Variants in COL22A1 observed in about 807,000 individuals in gnomAD.
COL22A1 encodes the protein collagen alpha-1(XXII) chain.
COL22A1 carries 221 observed loss-of-function variants against 248.9 expected under a neutral mutation model. The ratio of observed to expected loss-of-function variants is 0.89; its 90% CI spans 0.80 to 0.99. The LOEUF (loss-of-function observed/expected upper bound fraction) is 0.99. Among genes scored for constraint, COL22A1 ranks in the 50% least tolerant of loss-of-function variants. The probability of loss-of-function intolerance (pLI) is 0.00; values close to 1 mark genes in which losing one functional copy is unlikely to be tolerated. For missense variants in COL22A1, 2,240 were observed against 2,179.0 expected (o/e 1.03, Z -0.56); for synonymous variants, 891 against 793.4 (o/e 1.12, Z -2.07).
chr8:138,821,034 A>G (rs1471059327), intron 7 of COL22A1, 102 bp downstream of exon 7: 1 of 1,290,446 alleles, frequency 7.7e-7, no homozygotes, highest in African/African-American at 1.5e-5. Flanking sequence ...ATGATTTGGT[A>G]CCTGGTTCAT....
chr8:138,763,349 T>C (rs1833657505), intron 16 of COL22A1, among the ~76,000 whole-genome samples: 1 of 151,768 alleles, frequency 6.6e-6, no homozygotes, highest in Non-Finnish European at 1.5e-5. Flanking sequence ...GTCATGCCAC[T>C]GCTCTCCAGC....
chr8:138,822,644 C>A (rs1179266877), intron 6 of COL22A1, among the ~76,000 whole-genome samples: 9 of 152,162 alleles, frequency 5.9e-5, no homozygotes, highest in Non-Finnish European at 1.2e-4. Context: ...AGGATCTGAC[C>A]TTTTAGGACT....
In COL22A1 at chr8:138,616,121, G is replaced by A; in HGVS notation, c.3871-67C>T. ...AGCCACTGGCTGTCTCAACCACAGG[G>A]GCACCTGAGGAGCTGGGAGAGGTGG... is the stretch of plus-strand genomic sequence containing the variant. On this transcript the variant is annotated intron_variant, in intron 54 of 64. Coordinates refer to ENST00000303045, the MANE Select transcript of COL22A1 (RefSeq NM_152888.3). 4 of 1,288,866 alleles carry A rather than the reference G, an allele frequency of 3.1e-6. No homozygotes were observed. The Admixed American group carries it at 6.7e-5, about 22-fold the overall frequency. 79.8% of individuals were successfully genotyped at this position (1,288,866 alleles called of 1,614,324 possible). A position where few individuals can be genotyped will look rare whatever the true frequency, so the allele number is the denominator to read the frequency against.
Position 138,626,226 on chromosome 8 carries a change from A to T in COL22A1, c.3681T>A (p.Pro1227=). The T allele has an allele frequency of 6.2e-7, 1 of 1,608,538 alleles. No homozygotes were observed. ...GTAATCCAGATGGGCCTTGGGGGCC[A>T]GGAGGGCCTTCTTTCCCCTAAAAGA... ...IQGSPGKEGP[P]GPQGPSGLPG... Residue 1227 remains proline, a synonymous_variant, in exon 51 of 65, where the codon CCT becomes CCA. Coordinates refer to ENST00000303045, the MANE Select transcript of COL22A1 (RefSeq NM_152888.3).
chr8:138,709,301 G>T (rs1828747513), intron 30 of COL22A1, among the ~76,000 whole-genome samples: 1 of 152,016 alleles, frequency 6.6e-6, no homozygotes, highest in Admixed American at 6.6e-5. Flanking sequence ...TATACCCAAA[G>T]GATTATAAAT....
rs571933968 is a variant in COL22A1, at chr8:138,851,464, G to A, written c.659-7306C>T. 1.2e-3 allele frequency among the ~76,000 whole-genome samples: 180 copies of A among 152,322 alleles called. 2 individuals are homozygous for A. The highest frequency in any genetic ancestry group is 1.9e-3 in the Non-Finnish European group (127 of 68,040). On this transcript the variant is annotated intron_variant, in intron 3 of 64. Transcript: ENST00000303045. Reference sequence around the variant, plus strand: ...CTCACTCTGCCAGGTAGCAGCAGGCGCTGCTCATGGTTGTTACTATGTATG... The same window carrying A: ...CTCACTCTGCCAGGTAGCAGCAGGCACTGCTCATGGTTGTTACTATGTATG...
chr8:138,805,195 T>C (rs111066391), intron 10 of COL22A1, among the ~76,000 whole-genome samples: 48,556 of 138,972 alleles, frequency 0.35, 9,170 homozygotes, highest in African/African-American at 0.56. Flanking sequence ...TGTGTGTGAT[T>C]GGGTGTGTGA....
intron 4 of COL22A1, among the ~76,000 whole-genome samples, chr8:138,835,912 A>G (rs1341875521): frequency 1.3e-5 from 2 of 152,224 alleles, no homozygotes; most frequent in African/African-American, 4.8e-5. Context: ...TCTCCCTGCC[A>G]GCTCTCAGGT....
intron 16 of COL22A1, among the ~76,000 whole-genome samples, chr8:138,766,381 C>T (rs1450647650): frequency 2.0e-5 from 3 of 150,852 alleles, no homozygotes; most frequent in Non-Finnish European, 4.4e-5. Context: ...TGGTCATTAG[C>T]AGGGGCGAGA....
chr8:138,686,062 T>C (rs1437019389), intron 37 of COL22A1, among the ~76,000 whole-genome samples: 1 of 152,154 alleles, frequency 6.6e-6, no homozygotes, highest in South Asian at 2.1e-4. Flanking sequence ...GCAACATTTC[T>C]TTATACTCAA....
At chr8:138,592,858 G>C (rs1587618029) in intron 63 of COL22A1, among the ~76,000 whole-genome samples, 1 of 152,030 alleles carries the variant, frequency 6.6e-6, no homozygotes, top group African/African-American at 2.4e-5. Flanking sequence ...TAAAAAAATA[G>C]ATAAAATATT....
At chr8:138,871,739 T>C (rs1478762164) in intron 3 of COL22A1, among the ~76,000 whole-genome samples, 1 of 152,236 alleles carries the variant, frequency 6.6e-6, no homozygotes, top group Non-Finnish European at 1.5e-5. Context: ...AAGCATCCGC[T>C]GTTGTGAGAT....
At chr8:138,824,989 C>T (rs1327535379) in intron 6 of COL22A1, among the ~76,000 whole-genome samples, 1 of 152,182 alleles carries the variant, frequency 6.6e-6, no homozygotes, top group Non-Finnish European at 1.5e-5. Flanking sequence ...ACATGGCAGA[C>T]AGGACACAGA....
rs527669351 is a variant in COL22A1 at position 138,716,437 on chromosome 8, A to T, written c.2401-148T>A. 2.4e-5 allele frequency: 15 copies of T among 630,812 alleles called. 1 individual carries two copies. The South Asian group carries it at 2.8e-4, about 12-fold the overall frequency. 39.1% of individuals were successfully genotyped at this position (630,812 alleles called of 1,614,324 possible). ...ACATGGAAAGCAATGCAGTGGAGAA[A>T]GCGGAATTCTAGAGAATTTCGTTCA... On this transcript the variant is annotated intron_variant, in intron 28 of 64. Coordinates refer to ENST00000303045, the MANE Select transcript of COL22A1 (RefSeq NM_152888.3).
intron 39 of COL22A1, among the ~76,000 whole-genome samples, chr8:138,681,821 A>G (rs1825984765): frequency 6.6e-6 from 1 of 152,162 alleles, no homozygotes; most frequent in Non-Finnish European, 1.5e-5. Context: ...GTGGTTATGT[A>G]TTTACTCATA....
Position 138,626,260 on chromosome 8 carries a change from A to G in COL22A1, c.3664-17T>C. ...TTCTTTCCCCTAAAAGATCCAAGAC[A>G]TAAAAACACCATGAAACCTCTGCTG... On this transcript the variant is annotated splice_polypyrimidine_tract_variant and intron_variant, in intron 50 of 64. Coordinates refer to ENST00000303045, the MANE Select transcript of COL22A1 (RefSeq NM_152888.3). The G allele has an allele frequency of 6.2e-7, 1 of 1,603,082 alleles. No homozygotes were observed.
At chr8:138,849,303 T>A (rs1474240652) in intron 3 of COL22A1, among the ~76,000 whole-genome samples, 1 of 152,224 alleles carries the variant, frequency 6.6e-6, no homozygotes, top group Non-Finnish European at 1.5e-5. Context: ...CAGACACATG[T>A]AGGTGGCTTG....
At chr8:138,649,592 G>A (rs1352538985) in intron 46 of COL22A1, 73 bp downstream of exon 46, 8 of 1,551,130 alleles carry the variant, frequency 5.2e-6, no homozygotes, top group Non-Finnish European at 6.1e-6. Flanking sequence ...GAGGCAGATG[G>A]GGCAATACTG....
chr8:138,874,672 A>G (rs1823578277), intron 3 of COL22A1, among the ~76,000 whole-genome samples: 1 of 152,056 alleles, frequency 6.6e-6, no homozygotes, highest in African/African-American at 2.4e-5. Flanking sequence ...TCCCATGTCC[A>G]TTCTCTGCCT....
Sources: gnomAD v4.1 joint callset for allele counts (sites outside exome capture counted in the v4.1 genomes callset) on GRCh38, gnomAD v4.1.1 for gene constraint, MANE v1.5 for transcripts, NCBI Gene and HGNC (gene_info 2026-07-23, HGNC 2026-07-21) for gene names.